Variants in TRPM3 observed in about 807,000 individuals in gnomAD.
TRPM3 encodes the protein transient receptor potential cation channel subfamily M member 3, also known as long transient receptor potential channel 3.
A neutral mutation model predicts 181.2 loss-of-function variants in TRPM3; 77 were observed. The ratio of observed to expected loss-of-function variants is 0.42; its 90% CI spans 0.35 to 0.51. The LOEUF (loss-of-function observed/expected upper bound fraction) is 0.51. Ranked by LOEUF, TRPM3 falls within the 20% of genes least tolerant of loss-of-function variation. The pLI, the probability that TRPM3 is intolerant of heterozygous loss-of-function variation, is 0.01. For missense variants in TRPM3, 1,759 were observed against 2,196.7 expected (o/e 0.80, Z 3.98); for synonymous variants, 745 against 796.4 (o/e 0.94, Z 1.09).
At chr9:71,082,474 C>A (rs746430727) in intron 1 of TRPM3, among the ~76,000 whole-genome samples, 1 of 152,136 alleles carries the variant, frequency 6.6e-6, no homozygotes, top group African/African-American at 2.4e-5. Context: ...TAAGTTAGAG[C>A]TGTGTTCTAA....
rs549247211 is a variant in TRPM3, at chr9:70,813,531, T to C, written c.973+14316A>G. On this transcript the variant is annotated intron_variant, in intron 6 of 25. Coordinates refer to ENST00000677713, the MANE Select transcript of TRPM3 (RefSeq NM_001366145.2). ...AGGGACTCCAAAAGGAGGCAGGGGC[T>C]GAAAATCTTCCTATTGAGTACTGTG... 7.2e-5 allele frequency among the ~76,000 whole-genome samples: 11 copies of C among 151,936 alleles called. No homozygotes were observed. In the South Asian group the frequency reaches 2.3e-3, roughly 32 times the overall value.
Position 71,219,879 on chromosome 9 carries a change from G to A in TRPM3, c.183+226774C>T, listed in dbSNP as rs75946671. Among the ~76,000 whole-genome samples the A allele has an allele frequency of 4.0e-3, 602 of 152,288 alleles. 4 individuals are homozygous for A. Among genetic ancestry groups the A allele is most frequent in the African/African-American group, 0.014 (576 of 41,560 alleles). ...AAGGGTCTGGAAACTGTCTGATAGT[G>A]TGTACAAAATTGTGTATGTGTGTTC... On this transcript the variant is annotated intron_variant, in intron 1 of 24. Transcript: ENST00000357533.
intron 1 of TRPM3, among the ~76,000 whole-genome samples, chr9:70,971,818 G>C (rs2097250432): frequency 6.6e-6 from 1 of 152,076 alleles, no homozygotes; most frequent in African/African-American, 2.4e-5. Context: ...TATACAAATG[G>C]ACAATAAGCA....
chr9:70,600,971 T>TC (rs1287650394), intron 20 of TRPM3, among the ~76,000 whole-genome samples: 2 of 151,830 alleles, frequency 1.3e-5, no homozygotes, highest in South Asian at 2.1e-4. Flanking sequence ...AAGTCAAGAA[T>TC]CCCCCCTGCC....
At chr9:71,032,097 A>ATACTAT (rs1436715824) in intron 1 of TRPM3, among the ~76,000 whole-genome samples, 1 of 85,792 alleles carries the variant, frequency 1.2e-5, no homozygotes, top group African/African-American at 4.5e-5. Flanking sequence ...ATAATTATAT[A>ATACTAT]ATATTATATA....
At chr9:71,120,967 C>G (rs2073514276) in intron 1 of TRPM3, among the ~76,000 whole-genome samples, 1 of 151,310 alleles carries the variant, frequency 6.6e-6, no homozygotes, top group African/African-American at 2.4e-5. Context: ...GTGGTTCGCA[C>G]CAGCCTCTTG....
chr9:70,877,835 A>G (rs1463662696), intron 1 of TRPM3, among the ~76,000 whole-genome samples: 5 of 152,000 alleles, frequency 3.3e-5, no homozygotes, highest in East Asian at 1.9e-4. Context: ...ACACACTCCC[A>G]TGAAATTCCT....
At chr9:70,657,926 G>A (rs2060594359) in intron 9 of TRPM3, among the ~76,000 whole-genome samples, 1 of 152,108 alleles carries the variant, frequency 6.6e-6, no homozygotes, top group Non-Finnish European at 1.5e-5. Flanking sequence ...AATTTTGAGA[G>A]AGAAAATAAA....
chr9:70,592,329 GT>G (rs1304226139), intron 21 of TRPM3, among the ~76,000 whole-genome samples: 1 of 152,150 alleles, frequency 6.6e-6, no homozygotes, highest in Admixed American at 6.5e-5. Flanking sequence ...GCTTTGTTTT[GT>G]TTTTAACTAA....
intron 5 of TRPM3, among the ~76,000 whole-genome samples, chr9:70,828,634 T>G (rs1306553651): frequency 6.6e-6 from 1 of 152,146 alleles, no homozygotes; most frequent in Non-Finnish European, 1.5e-5. Context: ...TTCTACCTTT[T>G]TTGTTATTTT....
chr9:71,192,157 G>A (rs1344886507), intron 1 of TRPM3, among the ~76,000 whole-genome samples: 1 of 151,804 alleles, frequency 6.6e-6, no homozygotes, highest in African/African-American at 2.4e-5. Context: ...CGGTATCATT[G>A]TGATACTCAC....
intron 1 of TRPM3, among the ~76,000 whole-genome samples, chr9:70,960,658 C>G (rs1178183583): frequency 6.6e-6 from 1 of 152,148 alleles, no homozygotes; most frequent in Admixed American, 6.6e-5. Context: ...CCACATAAAA[C>G]AAGCTGAGGC....
intron 1 of TRPM3, among the ~76,000 whole-genome samples, chr9:71,287,877 T>A (rs769815437): frequency 2.2e-4 from 34 of 152,206 alleles, no homozygotes; most frequent in African/African-American, 7.5e-4. Flanking sequence ...GCAGCTACTG[T>A]AAAATTGAGG....
intron 5 of TRPM3, among the ~76,000 whole-genome samples, chr9:70,831,850 T>C (rs2093919318): frequency 6.6e-6 from 1 of 150,392 alleles, no homozygotes; most frequent in South Asian, 2.1e-4. Flanking sequence ...AGAATGTAAC[T>C]GAATTATTTG....
intron 1 of TRPM3, among the ~76,000 whole-genome samples, chr9:70,865,048 G>C (rs1044894251): frequency 4.1e-5 from 6 of 147,072 alleles, no homozygotes; most frequent in Non-Finnish European, 9.0e-5. Context: ...AGGGGGGTTG[G>C]GGGGGGGGAG....
chr9:70,615,103 C>T (rs2062583491), intron 18 of TRPM3, among the ~76,000 whole-genome samples: 1 of 152,164 alleles, frequency 6.6e-6, no homozygotes, highest in Non-Finnish European at 1.5e-5. Flanking sequence ...AATGCAAAGG[C>T]CTTTTGTCAC....
At chr9:71,446,540 A>G (rs974573368) in intron 1 of TRPM3, 8 of 1,108,360 alleles carry the variant, frequency 7.2e-6, no homozygotes, top group African/African-American at 1.6e-5. Context: ...CGGCGCCACA[A>G]GTTCCCTGGC....
chr9:71,223,775 G>A (rs1289214301), intron 1 of TRPM3, among the ~76,000 whole-genome samples: 1 of 152,202 alleles, frequency 6.6e-6, no homozygotes, highest in African/African-American at 2.4e-5. Flanking sequence ...CTGTGGTGGT[G>A]TTGGACATGG....
intron 8 of TRPM3, among the ~76,000 whole-genome samples, chr9:70,684,233 A>G (rs2066210160): frequency 6.6e-6 from 1 of 152,220 alleles, no homozygotes; most frequent in Admixed American, 6.5e-5. Flanking sequence ...AGATGGGTAA[A>G]TGCAGTGTTT....
Sources: allele counts gnomAD v4.1 joint callset (sites outside exome capture counted in the v4.1 genomes callset), GRCh38; gene constraint gnomAD v4.1.1; transcripts MANE v1.5; gene names NCBI Gene and HGNC (gene_info 2026-07-23, HGNC 2026-07-21).